GNB1: variants seen among roughly 807,000 people sequenced by gnomAD.
GNB1 encodes the protein guanine nucleotide-binding protein G(I)/G(S)/G(T) subunit beta-1.
Under a neutral mutation model 42.9 loss-of-function variants are expected in GNB1, and 2 were observed. The ratio of observed to expected loss-of-function variants is 0.05; its 90% confidence interval spans 0.02 to 0.15. The LOEUF is 0.15. Ranked by LOEUF, GNB1 falls within the 10% of genes least tolerant of loss-of-function variation. GNB1 has a pLI of 1.00. For synonymous variants in GNB1, 183 were observed against 174.7 expected (o/e 1.05, Z -0.38); for missense variants, 193 against 462.2 (o/e 0.42, Z 5.34).
chr1:1,789,107 C>T lies in GNB1; in HGVS notation c.862G>A (p.Gly288Arg), dbSNP rs552501394. 1 of 1,614,230 alleles carries T rather than the reference C, an allele frequency of 6.2e-7. No individual in the cohort carries two copies. The highest frequency in any genetic ancestry group is 2.2e-5 in the East Asian group (1 of 44,896). The change falls in exon 10 of 12, where the codon GGG becomes AGG. Residue 288 changes from glycine to arginine, a missense_variant. Physicochemically the swap from Gly to Arg is moderately radical, Grantham distance 125 (BLOSUM62 -2). Around this residue, in one of 2 missense-constraint regions of GNB1, gnomAD observed 150 missense variants for 410.8 expected, o/e 0.37. Transcript: ENST00000378609. The part of the protein sequence containing the change: ...FSKSGRLLLA[G>R]YDDFNCNVWD... ...ACGTTGCAGTTGAAGTCGTCGTACC[C>T]AGCAAGGAGGAGGCGCCCGCTCTTG...
At chr1:1,871,831 C>G (rs1007329132) in intron 1 of GNB1, among the ~76,000 whole-genome samples, 1 of 152,114 alleles carries the variant, frequency 6.6e-6, no homozygotes, top group Non-Finnish European at 1.5e-5. Flanking sequence ...CCCCTACACC[C>G]GGTCCATCAG....
intron 3 of GNB1, among the ~76,000 whole-genome samples, chr1:1,820,289 C>G (rs1346747942): frequency 2.8e-5 from 4 of 140,594 alleles, no homozygotes; most frequent in Non-Finnish European, 6.0e-5. Context: ...ACCTGGGAGG[C>G]AGAGGTTGCA....
chr1:1,863,295 T>G (rs952170872), intron 1 of GNB1, among the ~76,000 whole-genome samples: 1 of 152,092 alleles, frequency 6.6e-6, no homozygotes, highest in African/African-American at 2.4e-5. Flanking sequence ...AAAGAAAGTA[T>G]GTGACAACAC....
At chr1:1,839,610 G>A (rs1647196692) in intron 1 of GNB1, 1 of 152,068 alleles carries the variant, frequency 6.6e-6, no homozygotes, top group African/African-American at 2.4e-5. Flanking sequence ...ACTTTGGGAA[G>A]CTGAGGCAGG....
At chr1:1,808,361 CA>C (rs1646730549) in intron 5 of GNB1, among the ~76,000 whole-genome samples, 2 of 151,908 alleles carry the variant, frequency 1.3e-5, no homozygotes, top group Admixed American at 1.3e-4. Flanking sequence ...GTTCGGAATC[CA>C]CATGTTGAAA....
intron 6 of GNB1, among the ~76,000 whole-genome samples, 164 bp from the exon 7 acceptor site, chr1:1,804,745 C>T (rs1301878436): frequency 2.0e-5 from 3 of 152,218 alleles, no homozygotes; most frequent in Admixed American, 1.3e-4. Context: ...TCAGGTGAAG[C>T]ATACTTAATG....
rs577293916 is a variant in GNB1 at position 1,850,530 on chromosome 1, G to T, written c.-95-11292C>A. Among the ~76,000 whole-genome samples the T allele has an allele frequency of 4.4e-4, 67 of 152,002 alleles. 1 individual carries two copies. In the South Asian group the frequency reaches 0.012, roughly 26 times the overall value. ...TTTCACTGATTCTTTCCTATCTGCTGACAAACTCACTGAGAAAATTATTCA... is the reference window on the plus strand; with the variant it reads ...TTTCACTGATTCTTTCCTATCTGCTTACAAACTCACTGAGAAAATTATTCA... On this transcript the variant is annotated intron_variant, in intron 1 of 11. Coordinates refer to ENST00000378609, the MANE Select transcript of GNB1 (RefSeq NM_002074.5).
At chr1:1,860,428 A>G (rs1284416725) in intron 1 of GNB1, among the ~76,000 whole-genome samples, 1 of 152,158 alleles carries the variant, frequency 6.6e-6, no homozygotes, top group Non-Finnish European at 1.5e-5. Flanking sequence ...TGAATCTAAA[A>G]TAAAAGTTGA....
chr1:1,801,939 C>T (rs374033731), intron 7 of GNB1, among the ~76,000 whole-genome samples: 3 of 152,118 alleles, frequency 2.0e-5, no homozygotes, highest in South Asian at 2.1e-4. Flanking sequence ...TCAGAAAAAG[C>T]AGCGGTTCCC....
At chr1:1,789,461 C>T (rs757571375) in intron 9 of GNB1, among the ~76,000 whole-genome samples, 192 bp from the exon 10 acceptor site, 2 of 151,910 alleles carry the variant, frequency 1.3e-5, no homozygotes, top group African/African-American at 4.8e-5. Context: ...GGGAGGCTGA[C>T]GCGGGTGGAT....
rs1267207416 is a variant in GNB1 at position 1,845,821 on chromosome 1, CCATACA to C, written c.-95-6589_-95-6584del. On this transcript the variant is annotated intron_variant, in intron 1 of 11. Transcript: ENST00000378609. ...GCTGTAGAATCATTTGTGTGTAAGT[CCATACA>C]CACACACACACACACACACACACAC... Among the ~76,000 whole-genome samples the C allele has an allele frequency of 4.5e-3, 429 of 96,292 alleles. 1 individual carries two copies. The highest frequency in any genetic ancestry group is 0.018 in the African/African-American group (393 of 21,998). The allele number at this position is 96,292 out of a possible 152,430, so 63.2% of individuals were successfully genotyped here.
chr1:1,800,006 C>A (rs1445684976), intron 7 of GNB1, among the ~76,000 whole-genome samples: 2 of 152,222 alleles, frequency 1.3e-5, no homozygotes, highest in African/African-American at 4.8e-5. Context: ...GTTTCTGCTG[C>A]TGCCACACAA....
At chr1:1,854,905 A>T (rs1172546842) in intron 1 of GNB1, among the ~76,000 whole-genome samples, 2 of 151,898 alleles carry the variant, frequency 1.3e-5, no homozygotes, top group African/African-American at 2.4e-5. Context: ...TCACGCCTGT[A>T]ATCCCAGCAC....
intron 2 of GNB1, among the ~76,000 whole-genome samples, chr1:1,836,459 G>C (rs1027404736): frequency 1.4e-5 from 2 of 141,650 alleles, no homozygotes; most frequent in Non-Finnish European, 3.0e-5. Context: ...TGGTGTGATC[G>C]TGACTCACTG....
chr1:1,845,874 TATATCTCCTATCTC>T (rs1647631998), intron 1 of GNB1, among the ~76,000 whole-genome samples: 1 of 136,898 alleles, frequency 7.3e-6, no homozygotes, highest in Admixed American at 7.2e-5. Context: ...CACACACACG[TATATCTCCTATCTC>T]TTGTCAACTG....
At chr1:1,795,072 G>A (rs1463362633) in intron 7 of GNB1, among the ~76,000 whole-genome samples, 9 of 152,312 alleles carry the variant, frequency 5.9e-5, no homozygotes, top group South Asian at 2.1e-4. Context: ...GCCTACGAAA[G>A]TATGCGTGGT....
At chr1:1,809,251 T>C (rs1646744302) in intron 5 of GNB1, among the ~76,000 whole-genome samples, 2 of 149,956 alleles carry the variant, frequency 1.3e-5, no homozygotes. Context: ...TGGAGCTCGC[T>C]GCAACCTCTG....
At chr1:1,884,257 G>A (rs1158254832) in intron 1 of GNB1, among the ~76,000 whole-genome samples, 1 of 151,840 alleles carries the variant, frequency 6.6e-6, no homozygotes, top group Non-Finnish European at 1.5e-5. Flanking sequence ...GCATCACCAT[G>A]CCTGGGTAAT....
intron 1 of GNB1, among the ~76,000 whole-genome samples, chr1:1,856,601 T>C (rs1244055616): frequency 6.6e-6 from 1 of 152,156 alleles, no homozygotes; most frequent in Non-Finnish European, 1.5e-5. Flanking sequence ...CTAACTTTTG[T>C]ATTTTCAGTA....
Sources: allele counts gnomAD v4.1 joint callset (sites outside exome capture counted in the v4.1 genomes callset), GRCh38; gene constraint gnomAD v4.1.1; regional missense constraint gnomAD v4.1.1; transcripts MANE v1.5; gene names NCBI Gene and HGNC (gene_info 2026-07-23, HGNC 2026-07-21).